PNMA8B: variants seen among roughly 807,000 people sequenced by gnomAD.
PNMA8B encodes the protein paraneoplastic antigen-like protein 8B.
For missense variants in PNMA8B, 887 were observed against 885.8 expected, an observed-to-expected ratio of 1.00 and a Z score of -0.02; for synonymous variants, 386 against 394.9, an observed-to-expected ratio of 0.98 and a Z score of 0.27.
Position 46,495,215 on chromosome 19 carries a change from C to A in PNMA8B, c.251G>T (p.Gly84Val). The A allele has an allele frequency of 6.2e-7, 1 of 1,612,002 alleles. No individual in the cohort carries two copies. The highest frequency in any genetic ancestry group is 8.5e-7 in the Non-Finnish European group (1 of 1,178,050). ...CAGAACCCTCCAGACCCCATCCTTGCCTGGGATCTCCCTGGGAATGGCAGC... is the reference window on the plus strand; with the variant it reads ...CAGAACCCTCCAGACCCCATCCTTGACTGGGATCTCCCTGGGAATGGCAGC... The part of the protein sequence containing the change: ...NHAAIPREIP[G>V]KDGVWRVLWK... The change falls in exon 1 of 1, where the codon GGC becomes GTC. Residue 84 changes from glycine (G) to valine (V), a missense_variant. Coordinates refer to ENST00000599531, the MANE Select transcript of PNMA8B (RefSeq NM_020709.3).
At position 46,494,677 on chromosome 19, in the gene PNMA8B, C is replaced by T. The variant is rs751190548; in HGVS notation, c.789G>A (p.Ser263=). 3 of 1,613,914 alleles carry T rather than the reference C, an allele frequency of 1.9e-6. No homozygotes were observed. Among genetic ancestry groups the T allele is most frequent in the East Asian group, 4.5e-5 (2 of 44,900 alleles). Residue 263 remains serine, a synonymous_variant, in exon 1 of 1, where the codon TCG becomes TCA. Transcript: ENST00000599531. ...FLALVTVTDK[S]KKEEAEKEPA... ...GCTCCTTCTCTGCCTCTTCTTTCTT[C>T]GATTTGTCGGTGACGGTGACCAGAG...
At position 46,492,366 on chromosome 19, in the gene PNMA8B, A is replaced by C; in HGVS notation, c.*1192T>G. On this transcript the variant is annotated 3_prime_UTR_variant, in exon 1 of 1. Transcript: ENST00000599531. ...AAGCATACGGCACGGCACGGCACAG[A>C]CTCACATACAACTCAAGCGTGCTTG... The C allele has an allele frequency of 8.5e-6, 2 of 234,074 alleles. No individual in the cohort carries two copies. The highest frequency in any genetic ancestry group is 7.8e-5 in the South Asian group (2 of 25,492). The allele number at this position is 234,074 out of a possible 1,614,324, so 14.5% of individuals were successfully genotyped here.
chr19:46,493,612 G>C lies in PNMA8B; in HGVS notation c.1854C>G (p.Ala618=). The C allele has an allele frequency of 2.0e-6, 3 of 1,493,324 alleles. No homozygotes were observed. The highest frequency in any genetic ancestry group is 2.6e-6 in the Non-Finnish European group (3 of 1,132,532). 92.5% of individuals were successfully genotyped at this position (1,493,324 alleles called of 1,614,324 possible). ...AKGQAPTGSK[A]ARGKKARRGR... ...CCCGACGGGCCTTCTTCCCGCGCGC[G>C]GCCTTGGATCCAGTGGGCGCCTGGC... is the stretch of plus-strand genomic sequence containing the variant. The change falls in exon 1 of 1, where the codon GCC becomes GCG. Residue 618 remains alanine, a synonymous_variant. Transcript: ENST00000599531. This position sits in a 1 kb window ranked among gnomAD's most constrained non-coding sequence, Gnocchi z 5.3.
chr19:46,495,529 C>T lies in PNMA8B; in HGVS notation c.-64G>A. ...AGCCCGAGATAGGGGTGGGCTGCAG[C>T]GCACGGTGTCAATGCAACCCTAGAA... On this transcript the variant is annotated 5_prime_UTR_variant, in exon 1 of 1. Coordinates refer to ENST00000599531, the MANE Select transcript of PNMA8B (RefSeq NM_020709.3). 6.6e-7 allele frequency: 1 copy of T among 1,520,090 alleles called. No individual in the cohort carries two copies. Among genetic ancestry groups the T allele is most frequent in the Non-Finnish European group, 8.8e-7 (1 of 1,132,658 alleles). 94.2% of individuals were successfully genotyped at this position (1,520,090 alleles called of 1,614,324 possible). A position where few individuals can be genotyped will look rare whatever the true frequency, so the allele number is the denominator to read the frequency against.
chr19:46,492,200 G>A lies in PNMA8B; in HGVS notation c.*1358C>T. On this transcript the variant is annotated 3_prime_UTR_variant, in exon 1 of 1. Coordinates refer to ENST00000599531, the MANE Select transcript of PNMA8B (RefSeq NM_020709.3). ...GGGGCAGGGCCCCCTGGCACGATGG[G>A]CTCCTCACTGCCAGGGAATGGAAAT... is the stretch of plus-strand genomic sequence containing the variant. The A allele has an allele frequency of 1.0e-5, 4 of 397,580 alleles. No homozygotes were observed. Among genetic ancestry groups the A allele is most frequent in the Non-Finnish European group, 1.5e-5 (3 of 197,212 alleles). The allele number at this position is 397,580 out of a possible 1,614,324, so 24.6% of individuals were successfully genotyped here.
Position 46,492,098 on chromosome 19 carries a change from C to G in PNMA8B, c.*1460G>C. On this transcript the variant is annotated 3_prime_UTR_variant, in exon 1 of 1. Transcript: ENST00000599531. ...AGTCAGCTTCTACATCTGGGTGTCC[C>G]TGACATAGGACTGGGACAGTCTGGT... 5.0e-6 allele frequency: 2 copies of G among 396,368 alleles called. No individual in the cohort carries two copies. The highest frequency in any genetic ancestry group is 1.8e-5 in the South Asian group (1 of 56,314). The allele number at this position is 396,368 out of a possible 1,614,324, so 24.6% of individuals were successfully genotyped here. A position where few individuals can be genotyped will look rare whatever the true frequency, so the allele number is the denominator to read the frequency against.
rs1005679306 is a variant in PNMA8B at position 46,494,222 on chromosome 19, A to G, written c.1244T>C (p.Ile415Thr). The G allele has an allele frequency of 2.5e-6, 4 of 1,609,204 alleles. No homozygotes were observed. The African/African-American group carries it at 5.3e-5, about 21-fold the overall frequency. ...GAGATCCGGCTGCGCCAAGGTGGAA[A>G]TGCACTCCCGGAGGTCCCCGTCATC... is the stretch of plus-strand genomic sequence containing the variant. ...AGDDGDLREC[I>T]STLAQPDLPP... Residue 415 changes from isoleucine to threonine, a missense_variant, in exon 1 of 1, where the codon ATT becomes ACT. Physicochemically the swap from Ile to Thr is moderately conservative, Grantham distance 89 (BLOSUM62 -1). Coordinates refer to ENST00000599531, the MANE Select transcript of PNMA8B (RefSeq NM_020709.3).
In PNMA8B at chr19:46,491,539, G is replaced by A. The variant is rs1388803869; in HGVS notation, c.*2019C>T. On this transcript the variant is annotated 3_prime_UTR_variant, in exon 1 of 1. Coordinates refer to ENST00000599531, the MANE Select transcript of PNMA8B (RefSeq NM_020709.3). ...GTGGCCTGGCAGAGTGTATCTGGGT[G>A]GAAGCTAGGGTGGGGATTGGCTGGG... 1.3e-5 allele frequency: 2 copies of A among 152,394 alleles called. No homozygotes were observed. The highest frequency in any genetic ancestry group is 6.6e-5 in the Admixed American group (1 of 15,250). The allele number at this position is 152,394 out of a possible 1,614,324, so 9.4% of individuals were successfully genotyped here.
rs948683593 is a variant in PNMA8B, at chr19:46,491,674, G to C, written c.*1884C>G. ...ATCTGCAAGGGGTGAGATGATGCTGGGGGGTAGGGAGAGCCAGGCAGGGAT... is the reference window on the plus strand; with the variant it reads ...ATCTGCAAGGGGTGAGATGATGCTGCGGGGTAGGGAGAGCCAGGCAGGGAT... On this transcript the variant is annotated 3_prime_UTR_variant, in exon 1 of 1. Transcript: ENST00000599531. The C allele has an allele frequency of 5.9e-5, 9 of 153,022 alleles. No individual in the cohort carries two copies. The highest frequency in any genetic ancestry group is 1.9e-4 in the African/African-American group (8 of 41,366). The allele number at this position is 153,022 out of a possible 1,614,324, so 9.5% of individuals were successfully genotyped here. A position where few individuals can be genotyped will look rare whatever the true frequency, so the allele number is the denominator to read the frequency against.
In PNMA8B at chr19:46,494,346, G is replaced by C; in HGVS notation, c.1120C>G (p.Gln374Glu). Residue 374 changes from glutamine to glutamate, a missense_variant, in exon 1 of 1, where the codon CAG becomes GAG. Transcript: ENST00000599531. ...TCCTTGGACATGACGGACAAGACCT[G>C]TCGGAGGGGGTCTCGCTTGTCTTTC... Reference protein sequence around the residue: ...DEKDKRDPLRQVLSVMSKDTN... With the variant: ...DEKDKRDPLREVLSVMSKDTN... 1.2e-6 allele frequency: 2 copies of C among 1,613,198 alleles called. No homozygotes were observed. Among genetic ancestry groups the C allele is most frequent in the Non-Finnish European group, 1.7e-6 (2 of 1,179,908 alleles).
Position 46,495,258 on chromosome 19 carries a change from C to G in PNMA8B, c.208G>C (p.Val70Leu). The G allele has an allele frequency of 1.3e-6, 2 of 1,565,658 alleles. No individual in the cohort carries two copies. Among genetic ancestry groups the G allele is most frequent in the Non-Finnish European group, 8.8e-7 (1 of 1,135,670 alleles). ...ATGGCAGCGTGATTGACGTCCTCCA[C>G]AAACTCCACCAGGGCGGCCTGGGCC... ...EKAQAALVEF[V>L]EDVNHAAIPR... The change falls in exon 1 of 1, where the codon GTG becomes CTG. Residue 70 changes from valine to leucine, a missense_variant. Transcript: ENST00000599531.
chr19:46,494,478 G>A lies in PNMA8B; in HGVS notation c.988C>T (p.Pro330Ser). 3.1e-6 allele frequency: 5 copies of A among 1,614,034 alleles called. No individual in the cohort carries two copies. The highest frequency in any genetic ancestry group is 4.2e-6 in the Non-Finnish European group (5 of 1,179,904). Residue 330 changes from proline to serine, a missense_variant, in exon 1 of 1, where the codon CCT becomes TCT. Coordinates refer to ENST00000599531, the MANE Select transcript of PNMA8B (RefSeq NM_020709.3). ...TAGGCCACAATGGCCACGAACTCAG[G>A]ATTATCCAACTCCTCTGTTTCTTGG... ...GDQETEELDN[P>S]EFVAIVAYTD...
rs1188252153 is a variant in PNMA8B, at chr19:46,491,769, C to G, written c.*1789G>C. 1 of 154,466 alleles carries G rather than the reference C, an allele frequency of 6.5e-6. No individual in the cohort carries two copies. Among genetic ancestry groups the G allele is most frequent in the African/African-American group, 2.4e-5 (1 of 41,428 alleles). The allele number at this position is 154,466 out of a possible 1,614,324, so 9.6% of individuals were successfully genotyped here. A position where few individuals can be genotyped will look rare whatever the true frequency, so the allele number is the denominator to read the frequency against. On this transcript the variant is annotated 3_prime_UTR_variant, in exon 1 of 1. Coordinates refer to ENST00000599531, the MANE Select transcript of PNMA8B (RefSeq NM_020709.3). ...GTTCCCAGGTATTCTGGGCAAACCA[C>G]AGTCAAGACCGTGGACATCTGTGGC...
At position 46,494,741 on chromosome 19, in the gene PNMA8B, T is replaced by C; in HGVS notation, c.725A>G (p.Asn242Ser). The change falls in exon 1 of 1, where the codon AAC (asparagine) becomes AGC (serine). Residue 242 changes from asparagine to serine, a missense_variant. Physicochemically the swap from Asn to Ser is conservative, Grantham distance 46. Coordinates refer to ENST00000599531, the MANE Select transcript of PNMA8B (RefSeq NM_020709.3). ...GGGACCGTCTTCTTCCCCCTCGGAGTTGCAGGGCGCCCACTGCCTAACCAG... is the reference window on the plus strand; with the variant it reads ...GGGACCGTCTTCTTCCCCCTCGGAGCTGCAGGGCGCCCACTGCCTAACCAG... ...RELVRQWAPC[N>S]SEGEEDGPRE... is the part of the protein sequence containing the mutation. 1 of 1,613,832 alleles carries C rather than the reference T, an allele frequency of 6.2e-7. No homozygotes were observed. Among genetic ancestry groups the C allele is most frequent in the East Asian group, 2.2e-5 (1 of 44,874 alleles).
chr19:46,495,153 G>T lies in PNMA8B; in HGVS notation c.313C>A (p.Gln105Lys), dbSNP rs749317461. ...TCATCCAGCAGCAGGCGTCTCATCT[G>T]CCTCAGGACCCTCGTGTCCTGCGCA... ...DRAQDTRVLR[Q>K]MRRLLLDDGP... The change falls in exon 1 of 1, where the codon CAG becomes AAG. Residue 105 changes from glutamine (Q) to lysine (K), a missense_variant. By Grantham distance (53) the Gln-to-Lys change is moderately conservative. Transcript: ENST00000599531. 1 of 1,613,932 alleles carries T rather than the reference G, an allele frequency of 6.2e-7. No homozygotes were observed. Among genetic ancestry groups the T allele is most frequent in the East Asian group, 2.2e-5 (1 of 44,870 alleles).
In PNMA8B at chr19:46,495,091, C is replaced by G. The variant is rs1306251241; in HGVS notation, c.375G>C (p.Gly125=). 23 of 1,612,952 alleles carry G rather than the reference C, an allele frequency of 1.4e-5. No homozygotes were observed. Among genetic ancestry groups the G allele is most frequent in the East Asian group, 2.2e-5 (1 of 44,874 alleles). The change falls in exon 1 of 1, where the codon GGG becomes GGC. Residue 125 remains glycine, a synonymous_variant. Coordinates refer to ENST00000599531, the MANE Select transcript of PNMA8B (RefSeq NM_020709.3). ...PTQAAEAGTP[G]EAPTPPASET... is the part of the protein sequence containing the mutation. ...CCGAAGCGGGAGGGGTGGGTGCCTC[C>G]CCGGGGGTCCCAGCCTCCGCGGCCT...
rs200902959 is a variant in PNMA8B at position 46,494,232 on chromosome 19, G to C, written c.1234C>G (p.Arg412Gly). The change falls in exon 1 of 1, where the codon CGG becomes GGG. Residue 412 changes from arginine (R) to glycine (G), a missense_variant. Arg to Gly is a moderately radical substitution (Grantham distance 125). Coordinates refer to ENST00000599531, the MANE Select transcript of PNMA8B (RefSeq NM_020709.3). ...LRKAGDDGDLRECISTLAQPD... is the reference protein window; with the variant it reads ...LRKAGDDGDLGECISTLAQPD... ...TGCGCCAAGGTGGAAATGCACTCCC[G>C]GAGGTCCCCGTCATCCCCGGCCTTG... 5 of 1,609,276 alleles carry C rather than the reference G, an allele frequency of 3.1e-6. No homozygotes were observed. The South Asian group carries it at 5.5e-5, about 18-fold the overall frequency.
Position 46,495,715 on chromosome 19 carries a change from G to A in PNMA8B, c.-250C>T, listed in dbSNP as rs1019704957. 4 of 519,190 alleles carry A rather than the reference G, an allele frequency of 7.7e-6. No homozygotes were observed. The highest frequency in any genetic ancestry group is 5.7e-5 in the African/African-American group (3 of 52,570). 32.2% of individuals were successfully genotyped at this position (519,190 alleles called of 1,614,324 possible). A position where few individuals can be genotyped will look rare whatever the true frequency, so the allele number is the denominator to read the frequency against. On this transcript the variant is annotated 5_prime_UTR_variant, in exon 1 of 1. It adds an upstream start codon to the 5' untranslated region. Transcript: ENST00000599531. ...GTCTGAGGATCCGCGGGGGGCTTAC[G>A]TGTCTGCTTTCCAGGACAGCTCCCT...
chr19:46,495,112 G>C lies in PNMA8B; in HGVS notation c.354C>G (p.Ala118=). The stretch of plus-strand genomic sequence containing the variant: ...CCTCCCCGGGGGTCCCAGCCTCCGC[G>C]GCCTGCGTGGGCCCGTCATCCAGCA... ...RLLLDDGPTQ[A]AEAGTPGEAP... is the part of the protein sequence containing the mutation. Residue 118 remains alanine, a synonymous_variant, in exon 1 of 1, where the codon GCC becomes GCG. Coordinates refer to ENST00000599531, the MANE Select transcript of PNMA8B (RefSeq NM_020709.3). The C allele has an allele frequency of 6.2e-7, 1 of 1,613,574 alleles. No homozygotes were observed. The highest frequency in any genetic ancestry group is 8.5e-7 in the Non-Finnish European group (1 of 1,179,804).
Sources: gnomAD v4.1 joint callset for allele counts on GRCh38, gnomAD v4.1.1 for gene constraint, Gnocchi (gnomAD v3.1) non-coding constraint, MANE v1.5 for transcripts, NCBI Gene and HGNC (gene_info 2026-07-23, HGNC 2026-07-21) for gene names.